SLC22A24: variants seen among roughly 807,000 people sequenced by gnomAD.
The protein encoded by SLC22A24 is solute carrier family 22 member 24, also known as steroid transmembrane transporter SLC22A24.
Under a neutral mutation model 49.8 loss-of-function variants are expected in SLC22A24, and 53 were observed. That is an observed-to-expected ratio of 1.06 (90% CI 0.85 to 1.34). SLC22A24 has a LOEUF of 1.34. Among genes scored for constraint, SLC22A24 ranks in the 40% most tolerant of loss-of-function variants. The pLI, the probability that SLC22A24 is intolerant of heterozygous loss-of-function variation, is 0.00. For synonymous variants in SLC22A24, 302 were observed against 256.4 expected, an observed-to-expected ratio of 1.18 and a Z score of -1.70; for missense variants, 786 against 675.9, an observed-to-expected ratio of 1.16 and a Z score of -1.81.
In SLC22A24 at chr11:63,080,026, A is replaced by G. The variant is rs754220200; in HGVS notation, c.1599-26T>C. 1.2e-5 allele frequency: 17 copies of G among 1,444,714 alleles called. No individual in the cohort carries two copies. The Middle Eastern group carries it at 5.2e-4, about 44-fold the overall frequency. The allele number at this position is 1,444,714 out of a possible 1,614,324, so 89.5% of individuals were successfully genotyped here. A position where few individuals can be genotyped will look rare whatever the true frequency, so the allele number is the denominator to read the frequency against. ...CTGAGAAATAGAAATGCAAACAAAA[A>G]CAAGATTAAGAAACAAAAAATAAAT... On this transcript the variant is annotated intron_variant, in intron 9 of 9. Transcript: ENST00000612278.
chr11:63,109,901 T>G (rs1391087411), intron 4 of SLC22A24, among the ~76,000 whole-genome samples: 1 of 152,070 alleles, frequency 6.6e-6, no homozygotes, highest in Non-Finnish European at 1.5e-5. Context: ...CTTTTGGTGT[T>G]TTAGACATGA....
chr11:63,092,060 G>C (rs1417505362), intron 6 of SLC22A24, among the ~76,000 whole-genome samples: 1 of 152,082 alleles, frequency 6.6e-6, no homozygotes, highest in African/African-American at 2.4e-5. Flanking sequence ...AAAGTCTCAG[G>C]ATACAAAATC....
rs1250228673 is a variant in SLC22A24, at chr11:63,096,113, C to A, written c.955-7G>T. Reference sequence around the variant, plus strand: ...TCATGGTGGATCTCACAAGCTTCAGCAACAAAAATAACAACAAGCATTTGT... The same window carrying A: ...TCATGGTGGATCTCACAAGCTTCAGAAACAAAAATAACAACAAGCATTTGT... On this transcript the variant is annotated splice_polypyrimidine_tract_variant and splice_region_variant and intron_variant, in intron 5 of 9. Coordinates refer to ENST00000612278, the MANE Select transcript of SLC22A24 (RefSeq NM_001136506.2). 6.6e-7 allele frequency: 1 copy of A among 1,526,118 alleles called. No individual in the cohort carries two copies. Among genetic ancestry groups the A allele is most frequent in the Admixed American group, 2.0e-5 (1 of 50,894 alleles). 94.5% of individuals were successfully genotyped at this position (1,526,118 alleles called of 1,614,324 possible). A position where few individuals can be genotyped will look rare whatever the true frequency, so the allele number is the denominator to read the frequency against.
chr11:63,082,084 C>T (rs181698316), intron 7 of SLC22A24, among the ~76,000 whole-genome samples: 232 of 152,062 alleles, frequency 1.5e-3, no homozygotes, highest in Non-Finnish European at 2.6e-3. Context: ...GGGCATAGAA[C>T]TATATATAGA....
intron 9 of SLC22A24, among the ~76,000 whole-genome samples, chr11:63,080,291 G>A (rs553925481): frequency 6.7e-4 from 102 of 152,252 alleles, no homozygotes; most frequent in Middle Eastern, 3.4e-3. Context: ...TAAAGCTATT[G>A]TCTTATTTTT....
chr11:63,125,728 C>G (rs1220711114), intron 2 of SLC22A24, among the ~76,000 whole-genome samples: 2 of 152,172 alleles, frequency 1.3e-5, no homozygotes, highest in Non-Finnish European at 2.9e-5. Context: ...TGAGGAATTG[C>G]CACACTGTCT....
At chr11:63,137,026 C>T (rs1426706533) in intron 1 of SLC22A24, among the ~76,000 whole-genome samples, 4 of 152,126 alleles carry the variant, frequency 2.6e-5, no homozygotes, top group East Asian at 1.9e-4. Flanking sequence ...TTCCTTCTCT[C>T]GATGGATTCT....
intron 5 of SLC22A24, among the ~76,000 whole-genome samples, chr11:63,098,805 TGA>T (rs2087071446): frequency 6.6e-6 from 1 of 151,062 alleles, no homozygotes; most frequent in Admixed American, 6.6e-5. Flanking sequence ...GAAATGAAAT[TGA>T]GAGAAAACAA....
In SLC22A24 at chr11:63,095,971, C is replaced by A; in HGVS notation, c.1070+20G>T. 6.7e-7 allele frequency: 1 copy of A among 1,498,112 alleles called. No individual in the cohort carries two copies. The highest frequency in any genetic ancestry group is 1.2e-5 in the South Asian group (1 of 82,166). 92.8% of individuals were successfully genotyped at this position (1,498,112 alleles called of 1,614,324 possible). On this transcript the variant is annotated intron_variant, in intron 6 of 9. Coordinates refer to ENST00000612278, the MANE Select transcript of SLC22A24 (RefSeq NM_001136506.2). ...GTGTCTCCAATATTTTAAAGTGAAT[C>A]ATCACCAAATGGAACTTACCTCACA...
intron 6 of SLC22A24, among the ~76,000 whole-genome samples, chr11:63,087,286 C>T (rs938854935): frequency 6.6e-6 from 1 of 152,188 alleles, no homozygotes; most frequent in African/African-American, 2.4e-5. Flanking sequence ...CCACAGAGGG[C>T]AGGCAGAAGC....
At chr11:63,090,683 A>AAATAAAT (rs1347037172) in intron 6 of SLC22A24, among the ~76,000 whole-genome samples, 1 of 147,906 alleles carries the variant, frequency 6.8e-6, no homozygotes, top group African/African-American at 2.5e-5. Flanking sequence ...ATAAATAAAT[A>AAATAAAT]AATAAATAAT....
intron 6 of SLC22A24, among the ~76,000 whole-genome samples, chr11:63,088,938 C>T (rs951159961): frequency 1.3e-5 from 2 of 151,868 alleles, no homozygotes; most frequent in Admixed American, 6.6e-5. Flanking sequence ...AAAGACACAA[C>T]CTACGATAAA....
intron 7 of SLC22A24, 124 bp downstream of exon 7, chr11:63,083,117 AAC>A (rs2086968754): frequency 8.1e-6 from 6 of 741,494 alleles, no homozygotes; most frequent in Non-Finnish European, 1.3e-5. Flanking sequence ...CCCTCATATT[AAC>A]TTCAGGGAAT....
chr11:63,109,242 A>T (rs1280611890), intron 4 of SLC22A24, among the ~76,000 whole-genome samples: 1 of 146,590 alleles, frequency 6.8e-6, no homozygotes, highest in Non-Finnish European at 1.5e-5. Flanking sequence ...AATCCAGTCT[A>T]TCAGTGTTGG....
intron 4 of SLC22A24, among the ~76,000 whole-genome samples, chr11:63,115,576 T>C (rs187311364): frequency 6.6e-6 from 1 of 152,234 alleles, no homozygotes; most frequent in East Asian, 1.9e-4. Flanking sequence ...CTGCACCCAC[T>C]GTCCAAGCAG....
chr11:63,105,996 A>G (rs1255482578), intron 4 of SLC22A24, among the ~76,000 whole-genome samples: 2 of 151,984 alleles, frequency 1.3e-5, no homozygotes, highest in Admixed American at 6.6e-5. Flanking sequence ...TTTGTTACAT[A>G]TGTATACATG....
At chr11:63,128,127 C>A (rs1333395134) in intron 2 of SLC22A24, among the ~76,000 whole-genome samples, 1 of 151,592 alleles carries the variant, frequency 6.6e-6, no homozygotes, top group Non-Finnish European at 1.5e-5. Context: ...TAGTTTGTAG[C>A]AATTACTCTT....
Position 63,135,007 on chromosome 11 carries a change from A to G in SLC22A24, c.403-239T>C, listed in dbSNP as rs2087363701. On this transcript the variant is annotated intron_variant, in intron 1 of 9. Transcript: ENST00000612278. ...CTCACCTCCTAACCTTCCAAAATAT[A>G]TATCCACATGTCTACAAGTCTTTAT... 1.3e-5 allele frequency among the ~76,000 whole-genome samples: 2 copies of G among 152,130 alleles called. 1 individual carries two copies. The highest frequency in any genetic ancestry group is 2.9e-5 in the Non-Finnish European group (2 of 68,018).
At chr11:63,110,977 C>T (rs1359971838) in intron 4 of SLC22A24, among the ~76,000 whole-genome samples, 1 of 152,010 alleles carries the variant, frequency 6.6e-6, no homozygotes, top group East Asian at 1.9e-4. Context: ...ATGATATTGG[C>T]TGTGGGTTTG....
Sources: allele counts gnomAD v4.1 joint callset (sites outside exome capture counted in the v4.1 genomes callset), GRCh38; gene constraint gnomAD v4.1.1; transcripts MANE v1.5; gene names NCBI Gene and HGNC (gene_info 2026-07-23, HGNC 2026-07-21).